The following DDX1 variants were observed in gnomAD, a reference collection of about 807,000 sequenced individuals.
The protein encoded by DDX1 is DEAD-box helicase 1.
DDX1 carries 28 observed loss-of-function variants against 108.7 expected under a neutral mutation model. The ratio of observed to expected loss-of-function variants is 0.26; its 90% CI spans 0.19 to 0.35. The LOEUF is 0.35. Among genes scored for constraint, DDX1 ranks in the 10% least tolerant of loss-of-function variants. DDX1 has a pLI of 1.00. For missense variants in DDX1, 710 were observed against 884.5 expected (o/e 0.80, Z 2.50); for synonymous variants, 295 against 288.9 (o/e 1.02, Z -0.21).
chr2:15,613,743 G>A (rs192037980), intron 14 of DDX1, among the ~76,000 whole-genome samples: 3 of 152,278 alleles, frequency 2.0e-5, no homozygotes. Flanking sequence ...TATGTGTAAG[G>A]GGAAGTCGCA....
At chr2:15,593,557 A>T (rs911187226) in intron 1 of DDX1, among the ~76,000 whole-genome samples, 1 of 152,232 alleles carries the variant, frequency 6.6e-6, no homozygotes, top group African/African-American at 2.4e-5. Context: ...TCTGGAATTT[A>T]CTGAAAATGA....
Position 15,627,140 on chromosome 2 carries a change from T to A in DDX1, c.1681T>A (p.Phe561Ile). 6.3e-7 allele frequency: 1 copy of A among 1,582,454 alleles called. No homozygotes were observed. Among genetic ancestry groups the A allele is most frequent in the Non-Finnish European group, 8.7e-7 (1 of 1,152,336 alleles). The change falls in exon 20 of 26, where the codon TTT becomes ATT. Residue 561 changes from phenylalanine to isoleucine, a missense_variant. Phe to Ile is a conservative substitution (Grantham distance 21). Around this residue, in one of 3 missense-constraint regions of DDX1, gnomAD observed 661 missense variants for 810.2 expected, o/e 0.82. Coordinates refer to ENST00000233084, the MANE Select transcript of DDX1 (RefSeq NM_004939.3). ...PHERKQNLER[F>I]KKGDVRFLIC... Reference sequence around the variant, plus strand: ...TGAGAGAAAGCAAAACTTGGAAAGATTTAAGGTACTGATACATAGTTGATT... The same window carrying A: ...TGAGAGAAAGCAAAACTTGGAAAGAATTAAGGTACTGATACATAGTTGATT...
chr2:15,611,208 C>T (rs1313809492), intron 13 of DDX1, among the ~76,000 whole-genome samples: 1 of 150,404 alleles, frequency 6.6e-6, no homozygotes, highest in Non-Finnish European at 1.5e-5. Flanking sequence ...GGGGTAAGGT[C>T]ACAGATCAAC....
chr2:15,630,763 G>T lies in DDX1; in HGVS notation c.2093-13G>T. ...TGTCATTTACATTACTTTGTTATTT[G>T]TGTGTGATGCAGGTGGAAGCTATAA... On this transcript the variant is annotated splice_polypyrimidine_tract_variant and intron_variant, in intron 25 of 25. Transcript: ENST00000233084. 2 of 1,608,058 alleles carry T rather than the reference G, an allele frequency of 1.2e-6. No individual in the cohort carries two copies. The highest frequency in any genetic ancestry group is 1.7e-6 in the Non-Finnish European group (2 of 1,175,608).
rs530506080 is a variant in DDX1 at position 15,592,043 on chromosome 2, C to G, written c.16+94C>G. The G allele has an allele frequency of 3.8e-5, 45 of 1,175,112 alleles. No homozygotes were observed. In the South Asian group the frequency reaches 9.2e-4, roughly 24 times the overall value. The allele number at this position is 1,175,112 out of a possible 1,614,324, so 72.8% of individuals were successfully genotyped here. ...GGAGAGCTAAAGGGGCGGGAGCGGA[C>G]AGGGGTCAGGGAGACAGAAGGGCGC... On this transcript the variant is annotated intron_variant, in intron 1 of 25. Transcript: ENST00000233084.
intron 10 of DDX1, among the ~76,000 whole-genome samples, chr2:15,604,942 A>G (rs576580730): frequency 6.6e-6 from 1 of 152,274 alleles, no homozygotes; most frequent in African/African-American, 2.4e-5. Context: ...GTAAATGTGG[A>G]TGCCCTGAGA....
rs1666038924 is a variant in DDX1 at position 15,623,201 on chromosome 2, C to T, written c.1448-235C>T. Reference sequence around the variant, plus strand: ...GGGTACGGTTATGGGTGTTTATATACCCCATAAAGTAGCATAAAAAATATT... The same window carrying T: ...GGGTACGGTTATGGGTGTTTATATATCCCATAAAGTAGCATAAAAAATATT... On this transcript the variant is annotated intron_variant, in intron 18 of 25. Coordinates refer to ENST00000233084, the MANE Select transcript of DDX1 (RefSeq NM_004939.3). Among the ~76,000 whole-genome samples the T allele has an allele frequency of 2.0e-5, 3 of 151,858 alleles. 1 individual carries two copies. In the South Asian group the frequency reaches 6.2e-4, roughly 31 times the overall value.
intron 1 of DDX1, among the ~76,000 whole-genome samples, chr2:15,594,183 A>G (rs1455873825): frequency 6.6e-6 from 1 of 152,222 alleles, no homozygotes; most frequent in Non-Finnish European, 1.5e-5. Context: ...TAATTTTATG[A>G]AGAATATTTT....
rs1665522383 is a variant in DDX1 at position 15,597,572 on chromosome 2, C to T, written c.259+101C>T. 5.1e-6 allele frequency: 4 copies of T among 785,858 alleles called. No homozygotes were observed. In the East Asian group the frequency reaches 1.1e-4, roughly 21 times the overall value. 48.7% of individuals were successfully genotyped at this position (785,858 alleles called of 1,614,324 possible). The stretch of plus-strand genomic sequence containing the variant: ...TGGGTATGCATTTTTAAAATCTTGT[C>T]AGTATCTGGGGGGTGGTATTGGGAT... On this transcript the variant is annotated intron_variant, in intron 5 of 25. Transcript: ENST00000233084.
chr2:15,623,324 A>G (rs1666041295), intron 18 of DDX1, 112 bp from the exon 19 acceptor site: 1 of 915,818 alleles, frequency 1.1e-6, no homozygotes, highest in Non-Finnish European at 1.6e-6. Flanking sequence ...TATTAAAACA[A>G]GTATTCTTTT....
At chr2:15,607,105 CT>C (rs1665674525) in intron 12 of DDX1, 69 bp from the exon 13 acceptor site, 1 of 1,355,774 alleles carries the variant, frequency 7.4e-7, no homozygotes, top group Admixed American at 1.9e-5. Flanking sequence ...AATATTTGTC[CT>C]AATGTTTTAT....
chr2:15,619,916 G>A (rs568868790), intron 16 of DDX1, among the ~76,000 whole-genome samples: 56 of 152,284 alleles, frequency 3.7e-4, no homozygotes, highest in South Asian at 1.2e-3. Context: ...TTTGAGAGAA[G>A]GGGACAGACA....
intron 6 of DDX1, among the ~76,000 whole-genome samples, chr2:15,601,821 G>A (rs1394563499): frequency 1.3e-5 from 2 of 152,212 alleles, no homozygotes; most frequent in Non-Finnish European, 2.9e-5. Flanking sequence ...ATACGAGTTG[G>A]AAAGATGAAC....
intron 18 of DDX1, among the ~76,000 whole-genome samples, chr2:15,622,952 T>G (rs1420159718): frequency 6.6e-6 from 1 of 152,166 alleles, no homozygotes; most frequent in Non-Finnish European, 1.5e-5. Context: ...GTGTTAAGGT[T>G]TTTACTGCGT....
At chr2:15,603,953 C>A in intron 9 of DDX1, 63 bp downstream of exon 9, 1 of 1,059,064 alleles carries the variant, frequency 9.4e-7, no homozygotes, top group Non-Finnish European at 1.4e-6. Context: ...CTTAATCACT[C>A]ATGACAGAAT....
rs760995496 is a variant in DDX1 at position 15,630,905 on chromosome 2, G to A, written c.2222G>A (p.Ter741=). ...YLPNQLFRTF[*] ...CCTAACCAGCTGTTCAGAACCTTCT[G>A]ATTTTTACATTTACTGAATAAGATT... Residue 741 remains the stop codon, a stop_retained_variant, in exon 26 of 26, where the codon TGA becomes TAA. Transcript: ENST00000233084. The A allele has an allele frequency of 6.2e-7, 1 of 1,613,674 alleles. No individual in the cohort carries two copies.
intron 10 of DDX1, 90 bp downstream of exon 10, chr2:15,604,599 C>A (rs1665635817): frequency 1.2e-6 from 1 of 806,326 alleles, no homozygotes; most frequent in South Asian, 1.5e-5. Flanking sequence ...TTTTTCAAAT[C>A]CCCGTCCCTC....
chr2:15,600,740 C>CTTTT (rs1157559293), intron 6 of DDX1, among the ~76,000 whole-genome samples: 7 of 73,532 alleles, frequency 9.5e-5, no homozygotes, highest in South Asian at 6.9e-4. Flanking sequence ...TTTGCATTTT[C>CTTTT]TTTTTTTTTT....
chr2:15,616,707 G>C (rs1320062902), intron 14 of DDX1, among the ~76,000 whole-genome samples: 1 of 152,184 alleles, frequency 6.6e-6, no homozygotes, highest in Non-Finnish European at 1.5e-5. Flanking sequence ...AACTATTACT[G>C]TTTTCCTGGA....
Sources: gnomAD v4.1 joint callset for allele counts (sites outside exome capture counted in the v4.1 genomes callset) on GRCh38, gnomAD v4.1.1 for gene constraint, gnomAD v4.1.1 regional missense constraint, MANE v1.5 for transcripts, NCBI Gene and HGNC (gene_info 2026-07-23, HGNC 2026-07-21) for gene names.